Variants in MED1 observed in about 807,000 individuals in gnomAD.
The protein encoded by MED1 is mediator of RNA polymerase II transcription subunit 1.
Under a neutral mutation model 121.3 loss-of-function variants are expected in MED1, and 17 were observed. The ratio of observed to expected loss-of-function variants is 0.14; its 90% CI spans 0.10 to 0.21. The LOEUF (loss-of-function observed/expected upper bound fraction) is 0.21. Among genes scored for constraint, MED1 ranks in the 10% least tolerant of loss-of-function variants. MED1 has a pLI of 1.00. For synonymous variants in MED1, 661 were observed against 694.4 expected (o/e 0.95, Z 0.76); for missense variants, 1,558 against 1,919.4 (o/e 0.81, Z 3.52).
chr17:39,405,722 CAG>C lies in MED1; in HGVS notation c.*1751_*1752del. 3.0e-6 allele frequency: 3 copies of C among 991,678 alleles called. No individual in the cohort carries two copies. The highest frequency in any genetic ancestry group is 3.6e-6 in the Non-Finnish European group (3 of 833,890). 61.4% of individuals were successfully genotyped at this position (991,678 alleles called of 1,614,324 possible). On this transcript the variant is annotated 3_prime_UTR_variant, in exon 17 of 17. Transcript: ENST00000300651. Reference sequence around the variant, plus strand: ...TTATTACCTTGGGACACAAAAGTGGCAGAGTTGTTGAGAGCTGATGACAATAA... The same window carrying C: ...TTATTACCTTGGGACACAAAAGTGGCAGTTGTTGAGAGCTGATGACAATAA...
intron 2 of MED1, 79 bp from the exon 3 acceptor site, chr17:39,443,707 G>A (rs1215411354): frequency 1.7e-6 from 2 of 1,143,402 alleles, no homozygotes; most frequent in Non-Finnish European, 2.6e-6. Flanking sequence ...CATTATCCTA[G>A]TAGTAATATT....
chr17:39,407,242 C>T lies in MED1; in HGVS notation c.*233G>A. Reference sequence around the variant, plus strand: ...TTTCTTAAGCAAGTATTTTAACTTTCTTTCTGGCACAGGAACAAAGAAGAC... The same window carrying T: ...TTTCTTAAGCAAGTATTTTAACTTTTTTTCTGGCACAGGAACAAAGAAGAC... On this transcript the variant is annotated 3_prime_UTR_variant, in exon 17 of 17. Coordinates refer to ENST00000300651, the MANE Select transcript of MED1 (RefSeq NM_004774.4). The T allele has an allele frequency of 1.1e-6, 1 of 939,770 alleles. No individual in the cohort carries two copies. Among genetic ancestry groups the T allele is most frequent in the Non-Finnish European group, 1.2e-6 (1 of 802,178 alleles). 58.2% of individuals were successfully genotyped at this position (939,770 alleles called of 1,614,324 possible).
At chr17:39,433,261 C>T (rs1182625202) in intron 7 of MED1, among the ~76,000 whole-genome samples, 4 of 150,886 alleles carry the variant, frequency 2.7e-5, no homozygotes, top group East Asian at 3.9e-4. Flanking sequence ...CCCAGCTACT[C>T]GGAAGGCTGA....
chr17:39,411,488 G>A (rs930185978), intron 16 of MED1, among the ~76,000 whole-genome samples: 4 of 151,618 alleles, frequency 2.6e-5, no homozygotes, highest in African/African-American at 7.3e-5. Context: ...CAGCCGTGGC[G>A]GTGCACAGCT....
intron 1 of MED1, 152 bp from the exon 2 acceptor site, chr17:39,448,056 C>A: frequency 2.0e-5 from 11 of 542,440 alleles, no homozygotes; most frequent in Admixed American, 6.2e-5. Flanking sequence ...CCAAAGAAGA[C>A]ATTTTTAATG....
chr17:39,435,853 C>T (rs2048613422), intron 6 of MED1, among the ~76,000 whole-genome samples: 1 of 152,036 alleles, frequency 6.6e-6, no homozygotes, highest in Admixed American at 6.6e-5. Flanking sequence ...AGACGAGCAC[C>T]ACCACACCCG....
At chr17:39,438,888 G>A (rs549248942) in intron 6 of MED1, among the ~76,000 whole-genome samples, 1 of 152,182 alleles carries the variant, frequency 6.6e-6, no homozygotes, top group Non-Finnish European at 1.5e-5. Flanking sequence ...GGCAGAGGTT[G>A]CAGTGAGCTG....
In MED1 at chr17:39,440,770, G is replaced by A. The variant is rs1246326504; in HGVS notation, c.212-93C>T. The A allele has an allele frequency of 1.3e-5, 16 of 1,217,728 alleles. No individual in the cohort carries two copies. Among genetic ancestry groups the A allele is most frequent in the South Asian group, 2.6e-5 (2 of 76,606 alleles). The allele number at this position is 1,217,728 out of a possible 1,614,324, so 75.4% of individuals were successfully genotyped here. A position where few individuals can be genotyped will look rare whatever the true frequency, so the allele number is the denominator to read the frequency against. On this transcript the variant is annotated intron_variant, in intron 3 of 16. Coordinates refer to ENST00000300651, the MANE Select transcript of MED1 (RefSeq NM_004774.4). The surrounding 1 kb of genome is among the most constrained non-coding windows in gnomAD (Gnocchi z 4.1). ...CAGAAAGATTCATCCTTCCAAAACC[G>A]TAAACATATTCAGTAGTTCAAATGC...
At chr17:39,447,989 T>G (rs1247438277) in intron 1 of MED1, 85 bp from the exon 2 acceptor site, 23 of 830,338 alleles carry the variant, frequency 2.8e-5, no homozygotes, top group Non-Finnish European at 4.3e-5. Flanking sequence ...TTCCCACACT[T>G]CATCACAGTA....
At chr17:39,442,710 C>T (rs1446296646) in intron 3 of MED1, among the ~76,000 whole-genome samples, 1 of 150,466 alleles carries the variant, frequency 6.6e-6, no homozygotes, top group Non-Finnish European at 1.5e-5. Context: ...AGATCGAGAC[C>T]AGCCTGACCA....
At chr17:39,435,917 C>G (rs1252548072) in intron 6 of MED1, among the ~76,000 whole-genome samples, 1 of 151,962 alleles carries the variant, frequency 6.6e-6, no homozygotes. Flanking sequence ...CTGGATACTA[C>G]AAAAATTAGC....
chr17:39,439,700 G>A (rs1038636320), intron 5 of MED1, among the ~76,000 whole-genome samples: 1 of 152,146 alleles, frequency 6.6e-6, no homozygotes, highest in African/African-American at 2.4e-5. Flanking sequence ...CACTTTGGGA[G>A]GCTGAGGCAG....
At position 39,419,909 on chromosome 17, in the gene MED1, C is replaced by T. The variant is rs767010021; in HGVS notation, c.1105G>A (p.Gly369Ser). The change falls in exon 14 of 17, where the codon GGT becomes AGT. Residue 369 changes from glycine (G) to serine (S), a missense_variant. Gly to Ser is a moderately conservative substitution (Grantham distance 56). Coordinates refer to ENST00000300651, the MANE Select transcript of MED1 (RefSeq NM_004774.4). The part of the protein sequence containing the change: ...HNMRFYAALP[G>S]QQHCYFLNKD... ...TTGAGGAAATAGCAGTGCTGCTGACCAGGAAGAGCCTGGGCAAAAAGAACA... is the reference window on the plus strand; with the variant it reads ...TTGAGGAAATAGCAGTGCTGCTGACTAGGAAGAGCCTGGGCAAAAAGAACA... The T allele has an allele frequency of 6.2e-7, 1 of 1,613,800 alleles. No homozygotes were observed. The highest frequency in any genetic ancestry group is 8.5e-7 in the Non-Finnish European group (1 of 1,179,830).
chr17:39,411,622 A>G (rs901207236), intron 16 of MED1, among the ~76,000 whole-genome samples: 3 of 152,104 alleles, frequency 2.0e-5, no homozygotes, highest in African/African-American at 7.2e-5. Flanking sequence ...ACTTCATTTC[A>G]AAGGAAAAAA....
intron 3 of MED1, 74 bp downstream of exon 3, chr17:39,443,476 A>T: frequency 1.5e-6 from 2 of 1,310,214 alleles, no homozygotes; most frequent in Admixed American, 1.8e-5. Flanking sequence ...TTTTACTTCT[A>T]GTTTAAGTAT....
Position 39,405,352 on chromosome 17 carries a change from A to G in MED1, c.*2123T>C. The G allele has an allele frequency of 6.3e-7, 1 of 1,582,442 alleles. No individual in the cohort carries two copies. The highest frequency in any genetic ancestry group is 2.3e-5 in the East Asian group (1 of 43,964). Reference sequence around the variant, plus strand: ...GAGAGAAAAGCTTCCCAGTTTACTCATTTTGGTATTTGTTGGCCCTGCATG... The same window carrying G: ...GAGAGAAAAGCTTCCCAGTTTACTCGTTTTGGTATTTGTTGGCCCTGCATG... On this transcript the variant is annotated 3_prime_UTR_variant, in exon 17 of 17. Transcript: ENST00000300651.
chr17:39,427,790 C>T lies in MED1; in HGVS notation c.650G>A (p.Gly217Asp). 1.3e-6 allele frequency: 2 copies of T among 1,570,740 alleles called. No homozygotes were observed. Among genetic ancestry groups the T allele is most frequent in the Non-Finnish European group, 1.7e-6 (2 of 1,146,678 alleles). ...ATAGTACTTCAGGTTCATTAAATGACCTATAAAAAATAAAACTCATAACTG... is the reference window on the plus strand; with the variant it reads ...ATAGTACTTCAGGTTCATTAAATGATCTATAAAAAATAAAACTCATAACTG... ...SVGYLTPRSG[G>D]HLMNLKYYVS... Residue 217 changes from glycine (G) to aspartate (D), a missense_variant and splice_region_variant, in exon 10 of 17, where the codon GGT becomes GAT. Physicochemically the swap from Gly to Asp is moderately conservative, Grantham distance 94. This residue lies in a region of MED1 where 443 missense variants were observed against 532.4 expected (regional missense o/e 0.83). Coordinates refer to ENST00000300651, the MANE Select transcript of MED1 (RefSeq NM_004774.4).
At position 39,407,429 on chromosome 17, in the gene MED1, A is replaced by G; in HGVS notation, c.*46T>C. ...TGGTGGTTTGCCTATAAACTTATCA[A>G]TAGTTTTTTTTCCTCTGGCCCTGTT... On this transcript the variant is annotated 3_prime_UTR_variant, in exon 17 of 17. Transcript: ENST00000300651. The G allele has an allele frequency of 1.3e-6, 2 of 1,546,628 alleles. No individual in the cohort carries two copies. Among genetic ancestry groups the G allele is most frequent in the African/African-American group, 1.4e-5 (1 of 72,474 alleles).
At chr17:39,425,613 A>G (rs1246765625) in intron 10 of MED1, among the ~76,000 whole-genome samples, 3 of 151,950 alleles carry the variant, frequency 2.0e-5, no homozygotes, top group Admixed American at 2.0e-4. Context: ...ACCAGCCTGC[A>G]GAAGACGGTG....
Sources: allele counts gnomAD v4.1 joint callset (sites outside exome capture counted in the v4.1 genomes callset), GRCh38; gene constraint gnomAD v4.1.1; regional missense constraint gnomAD v4.1.1; non-coding constraint Gnocchi (gnomAD v3.1); transcripts MANE v1.5; gene names NCBI Gene and HGNC (gene_info 2026-07-23, HGNC 2026-07-21).